Variants in SFMBT1 observed in about 807,000 individuals in gnomAD.
SFMBT1 encodes the protein Scm like with four mbt domains 1, also known as scm-like with four MBT domains protein 1.
SFMBT1 carries 32 observed loss-of-function variants against 108.7 expected under a neutral mutation model. The ratio of observed to expected loss-of-function variants is 0.29; its 90% CI spans 0.22 to 0.40. The LOEUF (loss-of-function observed/expected upper bound fraction) is 0.40, where lower values mean the gene tolerates loss of function less well. SFMBT1 is among the 10% of genes least tolerant of loss of function. The pLI, the probability that SFMBT1 is intolerant of heterozygous loss-of-function variation, is 1.00. For synonymous variants in SFMBT1, 348 were observed against 369.5 expected (o/e 0.94, Z 0.67); for missense variants, 816 against 1,059.6 (o/e 0.77, Z 3.19).
intron 1 of SFMBT1, among the ~76,000 whole-genome samples, chr3:53,011,410 T>C (rs557680686): frequency 3.9e-5 from 6 of 152,202 alleles, no homozygotes; most frequent in African/African-American, 1.2e-4. Context: ...AGAGTACATA[T>C]AATACATAAA....
At chr3:52,933,462 C>A (rs770972247) in intron 5 of SFMBT1, among the ~76,000 whole-genome samples, 1 of 152,092 alleles carries the variant, frequency 6.6e-6, no homozygotes, top group Admixed American at 6.5e-5. Flanking sequence ...AATACACAAC[C>A]TTACATTTTT....
At chr3:52,948,673 C>T (rs1046684510) in intron 3 of SFMBT1, among the ~76,000 whole-genome samples, 5 of 149,930 alleles carry the variant, frequency 3.3e-5, no homozygotes, top group Admixed American at 6.7e-5. Context: ...TTTTGGAGAC[C>T]GAGTCTCTCA....
intron 1 of SFMBT1, among the ~76,000 whole-genome samples, chr3:53,008,208 T>C (rs1327330627): frequency 6.6e-6 from 1 of 152,176 alleles, no homozygotes; most frequent in Admixed American, 6.5e-5. Context: ...CTGCTTTTGA[T>C]GGTTATGTTG....
At chr3:52,951,961 T>C (rs901063317) in intron 3 of SFMBT1, among the ~76,000 whole-genome samples, 8 of 152,236 alleles carry the variant, frequency 5.3e-5, no homozygotes, top group African/African-American at 1.7e-4. Flanking sequence ...AAAATCCTTA[T>C]CTGAAATATG....
intron 1 of SFMBT1, among the ~76,000 whole-genome samples, chr3:53,038,626 AC>A (rs1244975580): frequency 6.6e-6 from 1 of 152,196 alleles, no homozygotes; most frequent in Non-Finnish European, 1.5e-5. Context: ...ACTCTCTATT[AC>A]CCTTAACTGT....
chr3:53,034,925 C>A (rs1420941707), intron 1 of SFMBT1, among the ~76,000 whole-genome samples: 1 of 152,116 alleles, frequency 6.6e-6, no homozygotes, highest in East Asian at 1.9e-4. Flanking sequence ...GGCGACAGAG[C>A]GAGACTCTGT....
At chr3:52,999,570 G>A (rs1698466406) in intron 1 of SFMBT1, among the ~76,000 whole-genome samples, 1 of 150,308 alleles carries the variant, frequency 6.7e-6, no homozygotes, top group Non-Finnish European at 1.5e-5. Flanking sequence ...GCCACACCCT[G>A]ATGCTATGTT....
intron 1 of SFMBT1, among the ~76,000 whole-genome samples, chr3:53,008,263 C>G (rs553761616): frequency 6.6e-6 from 1 of 152,294 alleles, no homozygotes; most frequent in Non-Finnish European, 1.5e-5. Context: ...CATACACACA[C>G]TAGGGTAATT....
At chr3:52,916,568 C>A (rs1011642559) in intron 13 of SFMBT1, among the ~76,000 whole-genome samples, 1 of 151,506 alleles carries the variant, frequency 6.6e-6, no homozygotes, top group Admixed American at 6.6e-5. Context: ...ACTAAGGAGG[C>A]TGAGGGAGGA....
rs1271071907 is a variant in SFMBT1, at chr3:52,928,605, TATAC to T, written c.898-268_898-265del. 454 of 84,380 alleles carry T rather than the reference TATAC, an allele frequency of 5.4e-3. 5 individuals are homozygous for T. The highest frequency in any genetic ancestry group is 8.8e-3 in the Non-Finnish European group (328 of 37,110). The allele number at this position is 84,380 out of a possible 1,614,324, so 5.2% of individuals were successfully genotyped here. A position where few individuals can be genotyped will look rare whatever the true frequency, so the allele number is the denominator to read the frequency against. ...ATACATATATACATATATATACATA[TATAC>T]ATATATATACATATATACATATATA... On this transcript the variant is annotated intron_variant, in intron 8 of 20. Transcript: ENST00000394752.
At chr3:53,038,817 G>A (rs1364385682) in intron 1 of SFMBT1, among the ~76,000 whole-genome samples, 5 of 152,154 alleles carry the variant, frequency 3.3e-5, no homozygotes, top group Admixed American at 3.3e-4. Context: ...AGTGAAATAT[G>A]GCAAAACCTC....
At chr3:52,951,593 T>C (rs1234480863) in intron 3 of SFMBT1, among the ~76,000 whole-genome samples, 1 of 152,046 alleles carries the variant, frequency 6.6e-6, no homozygotes, top group Non-Finnish European at 1.5e-5. Context: ...TTTGTATTTT[T>C]AGTAGAGAAG....
intron 1 of SFMBT1, among the ~76,000 whole-genome samples, chr3:52,984,619 A>T (rs1172297860): frequency 6.6e-6 from 1 of 151,934 alleles, no homozygotes; most frequent in Admixed American, 6.6e-5. Flanking sequence ...ATGTCTTTCA[A>T]TAATCTCAGG....
At chr3:52,951,097 C>A (rs1478128956) in intron 3 of SFMBT1, among the ~76,000 whole-genome samples, 3 of 105,988 alleles carry the variant, frequency 2.8e-5, no homozygotes, top group African/African-American at 7.6e-5. Flanking sequence ...GTCTGGGCAA[C>A]AGAGCAAGAC....
chr3:52,930,979 C>CT lies in SFMBT1; in HGVS notation c.756dup (p.Glu253ArgfsTer13). The CT allele has an allele frequency of 6.2e-7, 1 of 1,614,066 alleles. No homozygotes were observed. The highest frequency in any genetic ancestry group is 8.5e-7 in the Non-Finnish European group (1 of 1,179,966). On this transcript the variant is annotated frameshift_variant, in exon 7 of 21. Coordinates refer to ENST00000394752, the MANE Select transcript of SFMBT1 (RefSeq NM_016329.4). LOFTEE classifies it high-confidence loss of function. ...GATGGTAATGGCTCTTCCTCTTCCTCTTTCACTTTGGCCAAAATCTCTTGC... is the reference window on the plus strand; with the variant it reads ...GATGGTAATGGCTCTTCCTCTTCCTCTTTTCACTTTGGCCAAAATCTCTTGC...
At chr3:52,907,903 GAA>G in intron 17 of SFMBT1, among the ~76,000 whole-genome samples, 170 bp from the exon 18 acceptor site, 1 of 152,102 alleles carries the variant, frequency 6.6e-6, no homozygotes. Context: ...GACTAGTACT[GAA>G]TGATCCCTCC....
intron 1 of SFMBT1, among the ~76,000 whole-genome samples, chr3:53,037,449 G>A (rs925286184): frequency 6.6e-6 from 1 of 152,132 alleles, no homozygotes; most frequent in African/African-American, 2.4e-5. Flanking sequence ...TCATATTAAC[G>A]ATAAAGAAAA....
chr3:53,019,527 C>A (rs770250952), intron 1 of SFMBT1, among the ~76,000 whole-genome samples: 9 of 152,180 alleles, frequency 5.9e-5, no homozygotes, highest in Non-Finnish European at 1.2e-4. Context: ...CAACTCTCCC[C>A]AGGTTTCCCC....
chr3:52,994,038 C>T (rs181563764), intron 1 of SFMBT1, among the ~76,000 whole-genome samples: 3 of 150,378 alleles, frequency 2.0e-5, no homozygotes, highest in Admixed American at 1.3e-4. Context: ...CACTTTCATA[C>T]AGTTTCCAAC....
Sources: allele counts gnomAD v4.1 joint callset (sites outside exome capture counted in the v4.1 genomes callset), GRCh38; gene constraint gnomAD v4.1.1; transcripts MANE v1.5; gene names NCBI Gene and HGNC (gene_info 2026-07-23, HGNC 2026-07-21).